Variants in LMO7 observed in about 807,000 individuals in gnomAD.
LMO7 encodes LIM domain only protein 7.
In LMO7, 120 loss-of-function variants were observed where a neutral mutation model predicts 206.5. The ratio of observed to expected loss-of-function variants is 0.58; its 90% CI spans 0.50 to 0.68. LMO7 has a LOEUF of 0.68. Ranked by LOEUF, LMO7 falls within the 30% of genes least tolerant of loss-of-function variation. The pLI, the probability that LMO7 is intolerant of heterozygous loss-of-function variation, is 0.00. For synonymous variants in LMO7, 706 were observed against 681.5 expected, an observed-to-expected ratio of 1.04 and a Z score of -0.56; for missense variants, 1,959 against 1,957.9, an observed-to-expected ratio of 1.00 and a Z score of -0.01.
At chr13:75,801,184 C>A (rs561976220) in intron 7 of LMO7, among the ~76,000 whole-genome samples, 2 of 143,892 alleles carry the variant, frequency 1.4e-5, no homozygotes, top group South Asian at 2.2e-4. Flanking sequence ...AATTTGTGTT[C>A]AAGAGTTCTA....
At position 75,821,182 on chromosome 13, in the gene LMO7, C is replaced by A; in HGVS notation, c.2213C>A (p.Ser738Tyr). The part of the protein sequence containing the change: ...TFKEMLQDRE[S>Y]QNQKSTVPSR... ...GTGCATTTCTCTCCGCTAAGGGAAT[C>A]CCAAAATCAAAAGTCTACAGTTCCG... The change falls in exon 14 of 31, where the codon TCC becomes TAC. Residue 738 changes from serine to tyrosine, a missense_variant. Coordinates refer to ENST00000377534, the MANE Select transcript of LMO7 (RefSeq NM_001306080.2). 6.3e-7 allele frequency: 1 copy of A among 1,598,804 alleles called. No individual in the cohort carries two copies. The highest frequency in any genetic ancestry group is 8.5e-7 in the Non-Finnish European group (1 of 1,174,434).
rs1449175135 is a variant in LMO7 at position 75,853,296 on chromosome 13, G to C, written c.4569G>C (p.Lys1523Asn). ...SVPPPSAGSV[K>N]TSTTGVATTQ... is the part of the protein sequence containing the mutation. ...CCCCACCTTCAGCTGGCTCCGTGAA[G>C]ACCTCCACCACAGGTGTGGCCACCA... Residue 1523 changes from lysine to asparagine, a missense_variant, in exon 28 of 31, where the codon AAG (lysine) becomes AAC (asparagine). Physicochemically the swap from Lys to Asn is moderately conservative, Grantham distance 94. Transcript: ENST00000377534. 1.2e-6 allele frequency: 2 copies of C among 1,614,050 alleles called. No homozygotes were observed. Among genetic ancestry groups the C allele is most frequent in the Non-Finnish European group, 1.7e-6 (2 of 1,180,000 alleles).
At chr13:75,833,385 A>C (rs1198721962) in intron 16 of LMO7, among the ~76,000 whole-genome samples, 2 of 152,154 alleles carry the variant, frequency 1.3e-5, no homozygotes, top group Non-Finnish European at 2.9e-5. Flanking sequence ...AGTTTTGAAG[A>C]GTCTTAATTT....
chr13:75,778,420 G>A (rs188884913), intron 4 of LMO7, among the ~76,000 whole-genome samples: 2,386 of 152,158 alleles, frequency 0.016, 28 homozygotes, highest in Non-Finnish European at 0.023. Flanking sequence ...TTTTAGTAGA[G>A]ATGGGGTTTC....
chr13:75,688,465 C>T (rs959845507), intron 1 of LMO7: 17 of 152,298 alleles, frequency 1.1e-4, no homozygotes, highest in African/African-American at 2.6e-4. Context: ...CAACTTCTGT[C>T]GGTTTTCTGA....
intron 13 of LMO7, 91 bp from the exon 14 acceptor site, chr13:75,821,086 C>T: frequency 1.1e-6 from 1 of 894,176 alleles, no homozygotes; most frequent in Non-Finnish European, 1.7e-6. Flanking sequence ...TCATTTTATT[C>T]CCAGTCCGTT....
Position 75,663,163 on chromosome 13 carries a change from CTA to C in LMO7, c.69+26442_69+26443del, listed in dbSNP as rs2038762335. Among the ~76,000 whole-genome samples the C allele has an allele frequency of 2.0e-5, 3 of 151,634 alleles. No individual in the cohort carries two copies. The South Asian group carries it at 6.2e-4, about 32-fold the overall frequency. ...TATAAATCTCTCTCTCTATAAAACT[CTA>C]TATAAAACTTATGTATATATTCTTT... On this transcript the variant is annotated intron_variant, in intron 1 of 30. Coordinates refer to ENST00000377534, the MANE Select transcript of LMO7 (RefSeq NM_001306080.2).
Position 75,835,296 on chromosome 13 carries a change from A to C in LMO7, c.3290A>C (p.Asn1097Thr). 3.1e-6 allele frequency: 5 copies of C among 1,610,214 alleles called. No homozygotes were observed. Among genetic ancestry groups the C allele is most frequent in the Non-Finnish European group, 4.2e-6 (5 of 1,178,250 alleles). Residue 1097 changes from asparagine (N) to threonine (T), a missense_variant, in exon 18 of 31, where the codon AAT becomes ACT. Asn to Thr is a moderately conservative substitution (Grantham distance 65, BLOSUM62 0). Transcript: ENST00000377534. ...ATTTACAACTCAGAAAAATCTTCAA[A>C]TCTATCTGTAACAACTGATTTCTCC... ...SGIYNSEKSS[N>T]LSVTTDFSES...
intron 1 of LMO7, among the ~76,000 whole-genome samples, chr13:75,650,696 G>A (rs887756781): frequency 5.9e-5 from 9 of 152,144 alleles, no homozygotes; most frequent in Admixed American, 5.2e-4. Context: ...TAGATTGCAT[G>A]TATTAAGTTT....
At chr13:75,720,676 C>T (rs1443691978) in intron 2 of LMO7, among the ~76,000 whole-genome samples, 1 of 152,172 alleles carries the variant, frequency 6.6e-6, no homozygotes, top group East Asian at 1.9e-4. Context: ...CAGGATGCTT[C>T]AAGCACAACA....
chr13:75,789,437 A>G (rs1656075448), intron 4 of LMO7, among the ~76,000 whole-genome samples: 1 of 152,176 alleles, frequency 6.6e-6, no homozygotes, highest in South Asian at 2.1e-4. Flanking sequence ...ATGTGAGAGG[A>G]ACACAGAGAA....
chr13:75,791,434 C>G (rs1265087466), intron 4 of LMO7, among the ~76,000 whole-genome samples: 1 of 152,156 alleles, frequency 6.6e-6, no homozygotes, highest in Admixed American at 6.5e-5. Context: ...GAGCTTTTAT[C>G]ATTTCAGGCT....
At chr13:75,670,966 CTT>C (rs552236505) in intron 1 of LMO7, among the ~76,000 whole-genome samples, 8 of 100,066 alleles carry the variant, frequency 8.0e-5, no homozygotes, top group Admixed American at 1.1e-4. Context: ...ATGTTTAAAA[CTT>C]TTTTTTTTTT....
rs1302621735 is a variant in LMO7, at chr13:75,859,728, C to T, written c.*1785C>T. ...AGAAAGGCACTGCTGGCTTCGACTC[C>T]TATAAGCAGCACGTGGGCTTGTTCA... On this transcript the variant is annotated 3_prime_UTR_variant, in exon 31 of 31. Coordinates refer to ENST00000377534, the MANE Select transcript of LMO7 (RefSeq NM_001306080.2). 1 of 152,180 alleles carries T rather than the reference C, an allele frequency of 6.6e-6. No individual in the cohort carries two copies. The highest frequency in any genetic ancestry group is 1.5e-5 in the Non-Finnish European group (1 of 68,030). 9.4% of individuals were successfully genotyped at this position (152,180 alleles called of 1,614,324 possible).
At position 75,636,362 on chromosome 13, in the gene LMO7, C is replaced by A; in HGVS notation, c.-296C>A. 3 of 1,249,402 alleles carry A rather than the reference C, an allele frequency of 2.4e-6. No homozygotes were observed. Among genetic ancestry groups the A allele is most frequent in the Non-Finnish European group, 3.0e-6 (3 of 992,404 alleles). The allele number at this position is 1,249,402 out of a possible 1,614,324, so 77.4% of individuals were successfully genotyped here. A position where few individuals can be genotyped will look rare whatever the true frequency, so the allele number is the denominator to read the frequency against. The stretch of plus-strand genomic sequence containing the variant: ...CGTCGGGGCTGGTGCCGCGCGCTGC[C>A]GCTGGGCACCCGCTTCGCTTCCCGC... On this transcript the variant is annotated 5_prime_UTR_variant, in exon 1 of 31. Transcript: ENST00000377534.
intron 3 of LMO7, among the ~76,000 whole-genome samples, chr13:75,754,895 A>T (rs2047553627): frequency 6.6e-6 from 1 of 152,208 alleles, no homozygotes; most frequent in African/African-American, 2.4e-5. Context: ...TCTTTTCAGG[A>T]TTTATAATGG....
rs576719138 is a variant in LMO7, at chr13:75,804,536, T to C, written c.909T>C (p.Phe303=). ...SPVYTEADGT[F]SSNQRRIWGT... The stretch of plus-strand genomic sequence containing the variant: ...TTTATACAGAAGCAGATGGAACATT[T>C]TCAAGGTACTGAGATGGGTGTGATT... Residue 303 remains phenylalanine (F), a synonymous_variant, in exon 8 of 31, where the codon TTT becomes TTC. Transcript: ENST00000377534. 6.1e-5 allele frequency: 98 copies of C among 1,613,736 alleles called. No individual in the cohort carries two copies. Among genetic ancestry groups the C allele is most frequent in the Middle Eastern group, 1.7e-4 (1 of 6,058 alleles).
At chr13:75,803,465 G>A (rs1212950624) in intron 7 of LMO7, among the ~76,000 whole-genome samples, 1 of 152,096 alleles carries the variant, frequency 6.6e-6, no homozygotes, top group Non-Finnish European at 1.5e-5. Context: ...TGTGAAAGAG[G>A]GACAGCTTGG....
intron 1 of LMO7, among the ~76,000 whole-genome samples, chr13:75,705,429 A>G (rs2042583330): frequency 6.6e-6 from 1 of 152,198 alleles, no homozygotes; most frequent in South Asian, 2.1e-4. Context: ...GGTGGGGATG[A>G]TTTTATTTAA....
Sources: gnomAD v4.1 joint callset for allele counts (sites outside exome capture counted in the v4.1 genomes callset) on GRCh38, gnomAD v4.1.1 for gene constraint, MANE v1.5 for transcripts, NCBI Gene and HGNC (gene_info 2026-07-23, HGNC 2026-07-21) for gene names.